The following ENTREP2 variants were observed in gnomAD, a reference collection of about 807,000 sequenced individuals.
The protein encoded by ENTREP2 is endosomal transmembrane epsin interactor 2.
the ENTREP2 span, among the ~76,000 whole-genome samples, chr15:29,298,850 C>T: frequency 6.6e-6 from 1 of 151,978 alleles, no homozygotes; most frequent in African/African-American, 2.4e-5. Context: ...GAACTATTCA[C>T]TGTGTTTTCT....
At chr15:29,570,408 C>CA in the ENTREP2 span, 2 of 835,476 alleles carry the variant, frequency 2.4e-6, no homozygotes, top group Non-Finnish European at 1.6e-6. Context: ...GCCGCCGGAA[C>CA]TTGCCGCCCG....
At chr15:29,357,903 C>A in the ENTREP2 span, among the ~76,000 whole-genome samples, 24 of 151,584 alleles carry the variant, frequency 1.6e-4, no homozygotes, top group African/African-American at 5.8e-4. Flanking sequence ...AAGGAGAGCA[C>A]CAACTGGGAC....
the ENTREP2 span, among the ~76,000 whole-genome samples, chr15:29,515,375 C>A: frequency 5.3e-5 from 8 of 152,192 alleles, no homozygotes; most frequent in African/African-American, 1.9e-4. Context: ...AGAGACAGAA[C>A]GCACCCTTCC....
chr15:29,214,325 G>T, the ENTREP2 span, among the ~76,000 whole-genome samples: 1 of 152,154 alleles, frequency 6.6e-6, no homozygotes, highest in Non-Finnish European at 1.5e-5. Context: ...TTAAGAAAAT[G>T]TGGCACATAT....
At chr15:29,200,268 C>T in the ENTREP2 span, among the ~76,000 whole-genome samples, 6 of 152,152 alleles carry the variant, frequency 3.9e-5, no homozygotes, top group African/African-American at 9.6e-5. Flanking sequence ...CTCCGCCTCC[C>T]GGGTTCAAGC....
At chr15:29,400,130 G>A in the ENTREP2 span, among the ~76,000 whole-genome samples, 5,813 of 152,198 alleles carry the variant, frequency 0.038, 398 homozygotes, top group African/African-American at 0.13. Context: ...TCTTGTGCCC[G>A]TGCACATATG....
chr15:29,324,493 G>A, the ENTREP2 span, among the ~76,000 whole-genome samples: 1 of 152,036 alleles, frequency 6.6e-6, no homozygotes, highest in African/African-American at 2.4e-5. Context: ...AAAATAAAAA[G>A]CCAACTATAT....
the ENTREP2 span, among the ~76,000 whole-genome samples, chr15:29,615,896 C>A: frequency 6.6e-6 from 1 of 152,188 alleles, no homozygotes; most frequent in South Asian, 2.1e-4. Flanking sequence ...CGTCCAATAC[C>A]ACCTTTGTTA....
chr15:29,609,038 T>C, the ENTREP2 span, among the ~76,000 whole-genome samples: 1 of 135,946 alleles, frequency 7.4e-6, no homozygotes, highest in African/African-American at 2.6e-5. Context: ...CTTTCTAACT[T>C]CTTTCAGCCC....
the ENTREP2 span, among the ~76,000 whole-genome samples, chr15:29,131,199 C>T: frequency 6.6e-6 from 1 of 152,078 alleles, no homozygotes; most frequent in East Asian, 1.9e-4. Flanking sequence ...GCAATTCCAG[C>T]GATTATGGAA....
chr15:29,353,484 C>T, the ENTREP2 span, among the ~76,000 whole-genome samples: 5 of 152,070 alleles, frequency 3.3e-5, no homozygotes, highest in Non-Finnish European at 5.9e-5. Context: ...TACACATAAG[C>T]GTATGAATCT....
chr15:29,594,176 G>C, the ENTREP2 span, among the ~76,000 whole-genome samples: 5 of 152,130 alleles, frequency 3.3e-5, no homozygotes, highest in Non-Finnish European at 1.5e-5. Flanking sequence ...AGCGCAACAG[G>C]CTGTATCTCT....
At chr15:29,547,090 A>AT in the ENTREP2 span, among the ~76,000 whole-genome samples, 654 of 141,950 alleles carry the variant, frequency 4.6e-3, 11 homozygotes, top group East Asian at 0.042. Flanking sequence ...TATTGACTCA[A>AT]TTTTTTTTTT....
chr15:29,262,890 T>C, the ENTREP2 span, among the ~76,000 whole-genome samples: 1 of 152,176 alleles, frequency 6.6e-6, no homozygotes. Flanking sequence ...TGGAACTGAA[T>C]TGGAGGACAC....
At chr15:29,403,146 A>G in the ENTREP2 span, among the ~76,000 whole-genome samples, 5 of 152,172 alleles carry the variant, frequency 3.3e-5, 1 homozygote, top group South Asian at 4.1e-4. Context: ...ACGGGGCCTG[A>G]TCTGCACAGA....
chr15:29,447,036 C>T, the ENTREP2 span, among the ~76,000 whole-genome samples: 1 of 152,166 alleles, frequency 6.6e-6, no homozygotes, highest in African/African-American at 2.4e-5. Context: ...TACCACATAA[C>T]CTAACATGTT....
the ENTREP2 span, among the ~76,000 whole-genome samples, chr15:29,525,677 C>T: frequency 6.6e-6 from 1 of 152,084 alleles, no homozygotes; most frequent in Non-Finnish European, 1.5e-5. Flanking sequence ...CATAATATTC[C>T]GCAAAAGACA....
chr15:29,571,126 G>T, the ENTREP2 span, among the ~76,000 whole-genome samples: 1 of 151,454 alleles, frequency 6.6e-6, no homozygotes, highest in Non-Finnish European at 1.5e-5. Flanking sequence ...GCGGGAGCCG[G>T]GACCCGGGAG....
At chr15:29,467,051 G>T in the ENTREP2 span, among the ~76,000 whole-genome samples, 11 of 146,488 alleles carry the variant, frequency 7.5e-5, no homozygotes, top group African/African-American at 2.3e-4. Flanking sequence ...GGCCCCAGGG[G>T]AGGGCCCAGG....
Sources: allele counts gnomAD v4.1 joint callset (sites outside exome capture counted in the v4.1 genomes callset), GRCh38; gene constraint gnomAD v4.1.1; transcripts MANE v1.5; gene names NCBI Gene and HGNC (gene_info 2026-07-23, HGNC 2026-07-21).